The following DKK2 variants were observed in gnomAD, a reference collection of about 807,000 sequenced individuals.
DKK2 encodes the protein dickkopf Wnt signaling pathway inhibitor 2.
In DKK2, 11 loss-of-function variants were observed where a neutral mutation model predicts 28.1. The ratio of observed to expected loss-of-function variants is 0.39; its 90% CI spans 0.25 to 0.65. The LOEUF (loss-of-function observed/expected upper bound fraction) is 0.65, where lower values mean the gene tolerates loss of function less well. Ranked by LOEUF, DKK2 falls within the 30% of genes least tolerant of loss-of-function variation. The pLI, the probability that DKK2 is intolerant of heterozygous loss-of-function variation, is 0.47. For missense variants in DKK2, 326 were observed against 335.5 expected, an observed-to-expected ratio of 0.97 and a Z score of 0.22; for synonymous variants, 135 against 126.5, an observed-to-expected ratio of 1.07 and a Z score of -0.45.
intron 1 of DKK2, among the ~76,000 whole-genome samples, chr4:106,934,517 A>G (rs76904552): frequency 0.014 from 2,129 of 152,348 alleles, 21 homozygotes; most frequent in Non-Finnish European, 0.023. Flanking sequence ...ATACATACAC[A>G]AACACACACA....
At chr4:106,933,242 T>C (rs1420013377) in intron 1 of DKK2, among the ~76,000 whole-genome samples, 1 of 152,216 alleles carries the variant, frequency 6.6e-6, no homozygotes, top group Non-Finnish European at 1.5e-5. Flanking sequence ...ATATATATCA[T>C]ACTGACAATG....
intron 1 of DKK2, among the ~76,000 whole-genome samples, chr4:107,028,525 A>G (rs13106495): frequency 0.23 from 35,159 of 151,824 alleles, 4,272 homozygotes; most frequent in East Asian, 0.49. Context: ...CTCTTACGTT[A>G]TTGTTGTTAT....
chr4:107,018,438 T>C (rs1723643087), intron 1 of DKK2, among the ~76,000 whole-genome samples: 1 of 152,072 alleles, frequency 6.6e-6, no homozygotes, highest in Non-Finnish European at 1.5e-5. Flanking sequence ...CCCTAGCCTT[T>C]CTCTTATTTT....
At chr4:106,961,598 C>G (rs1481534224) in intron 1 of DKK2, among the ~76,000 whole-genome samples, 4 of 151,128 alleles carry the variant, frequency 2.6e-5, no homozygotes, top group African/African-American at 4.9e-5. Context: ...CACACACACA[C>G]AGTCTGGTAA....
At position 107,035,314 on chromosome 4, in the gene DKK2, A is replaced by G. The variant is rs950451251; in HGVS notation, c.222+56T>C. On this transcript the variant is annotated intron_variant, in intron 1 of 3. Transcript: ENST00000285311. Reference sequence around the variant, plus strand: ...AGATGCAATGGCAAACCGCTAGCCCAAGAGAGCTGGCCCCTGCCTCTTCTG... The same window carrying G: ...AGATGCAATGGCAAACCGCTAGCCCGAGAGAGCTGGCCCCTGCCTCTTCTG... 3.1e-6 allele frequency: 5 copies of G among 1,591,506 alleles called. No individual in the cohort carries two copies. In the African/African-American group the frequency reaches 6.7e-5, roughly 21 times the overall value.
At chr4:107,012,576 A>C (rs1240325154) in intron 1 of DKK2, among the ~76,000 whole-genome samples, 1 of 151,300 alleles carries the variant, frequency 6.6e-6, no homozygotes, top group Non-Finnish European at 1.5e-5. Flanking sequence ...GTAACAGAAG[A>C]ATATACTAGT....
chr4:106,992,109 A>T (rs573494890), intron 1 of DKK2, among the ~76,000 whole-genome samples: 11 of 152,354 alleles, frequency 7.2e-5, no homozygotes, highest in African/African-American at 2.6e-4. Flanking sequence ...AAGTAAATGT[A>T]ATAAGCTTAT....
At chr4:107,035,251 C>T in intron 1 of DKK2, 119 bp downstream of exon 1, 1 of 1,224,630 alleles carries the variant, frequency 8.2e-7, no homozygotes, top group South Asian at 1.5e-5. Flanking sequence ...CCCCAGCCGC[C>T]TGTTCTCTGT....
chr4:107,032,469 T>C (rs1723889338), intron 1 of DKK2, among the ~76,000 whole-genome samples: 1 of 152,130 alleles, frequency 6.6e-6, no homozygotes, highest in Non-Finnish European at 1.5e-5. Flanking sequence ...AATAAAACTA[T>C]AGAGCTCATA....
chr4:106,984,853 T>C (rs1379331923), intron 1 of DKK2, among the ~76,000 whole-genome samples: 1 of 152,218 alleles, frequency 6.6e-6, no homozygotes, highest in Non-Finnish European at 1.5e-5. Context: ...GAATAAACTA[T>C]TGATACACAC....
chr4:106,987,866 C>CT (rs397994875), intron 1 of DKK2, among the ~76,000 whole-genome samples: 24,589 of 137,866 alleles, frequency 0.18, 2,536 homozygotes, highest in East Asian at 0.4. Flanking sequence ...TTACTCTCTT[C>CT]TTTTTTTTTT....
chr4:106,964,313 C>G (rs936517257), intron 1 of DKK2, among the ~76,000 whole-genome samples: 3 of 151,978 alleles, frequency 2.0e-5, no homozygotes, highest in Non-Finnish European at 4.4e-5. Context: ...ATATTGAACT[C>G]CTGGAGGTCG....
intron 1 of DKK2, among the ~76,000 whole-genome samples, chr4:106,996,679 G>A (rs1167492297): frequency 6.6e-6 from 1 of 152,132 alleles, no homozygotes; most frequent in African/African-American, 2.4e-5. Context: ...AAAAACAGCT[G>A]CACAAAATTG....
intron 1 of DKK2, among the ~76,000 whole-genome samples, chr4:106,982,905 C>T (rs1270635830): frequency 2.8e-5 from 4 of 140,668 alleles, no homozygotes; most frequent in Non-Finnish European, 6.1e-5. Context: ...AAAGCATAGT[C>T]GCCTTCTATA....
In DKK2 at chr4:106,970,667, G is replaced by T. The variant is rs1276680741; in HGVS notation, c.223-44718C>A. On this transcript the variant is annotated intron_variant, in intron 1 of 3. Transcript: ENST00000285311. Reference sequence around the variant, plus strand: ...CATTACCACTGTGATCTTGTTTGTGGACTGCTATATTGTACAAGGCCTACT... The same window carrying T: ...CATTACCACTGTGATCTTGTTTGTGTACTGCTATATTGTACAAGGCCTACT... Among the ~76,000 whole-genome samples, 3 of 151,900 alleles carry T rather than the reference G, an allele frequency of 2.0e-5. No homozygotes were observed. In the East Asian group the frequency reaches 5.8e-4, roughly 29 times the overall value.
At chr4:107,006,751 T>C (rs1165040934) in intron 1 of DKK2, among the ~76,000 whole-genome samples, 1 of 152,196 alleles carries the variant, frequency 6.6e-6, no homozygotes, top group Non-Finnish European at 1.5e-5. Flanking sequence ...CCTGCATTTA[T>C]AGAAAGCAAA....
chr4:107,029,352 C>T (rs1723842291), intron 1 of DKK2, among the ~76,000 whole-genome samples: 1 of 152,110 alleles, frequency 6.6e-6, no homozygotes, highest in Admixed American at 6.6e-5. Context: ...GTGACTTGTA[C>T]ACATTGTATA....
At chr4:106,960,925 G>T (rs921081137) in intron 1 of DKK2, among the ~76,000 whole-genome samples, 36 of 151,990 alleles carry the variant, frequency 2.4e-4, no homozygotes, top group African/African-American at 8.2e-4. Context: ...TCATAGGCCT[G>T]CTCTACTTGA....
chr4:107,003,513 T>C (rs1316038211), intron 1 of DKK2, among the ~76,000 whole-genome samples: 1 of 152,218 alleles, frequency 6.6e-6, no homozygotes, highest in Non-Finnish European at 1.5e-5. Flanking sequence ...CACCAGCATA[T>C]ACCTTCATTG....
Sources: allele counts gnomAD v4.1 joint callset (sites outside exome capture counted in the v4.1 genomes callset), GRCh38; gene constraint gnomAD v4.1.1; transcripts MANE v1.5; gene names NCBI Gene and HGNC (gene_info 2026-07-23, HGNC 2026-07-21).